Variants in GDAP1L1 observed in about 807,000 individuals in gnomAD.
GDAP1L1 encodes the protein ganglioside-induced differentiation-associated protein 1-like 1.
GDAP1L1 carries 21 observed loss-of-function variants against 37.1 expected under a neutral mutation model. The observed-to-expected ratio is 0.57, with a 90% CI of 0.40 to 0.81. The LOEUF (loss-of-function observed/expected upper bound fraction) is 0.81, where lower values mean the gene tolerates loss of function less well. Among genes scored for constraint, GDAP1L1 ranks in the 40% least tolerant of loss-of-function variants. GDAP1L1 has a pLI of 0.00. For synonymous variants in GDAP1L1, 193 were observed against 209.1 expected (o/e 0.92, Z 0.67); for missense variants, 362 against 491.6 (o/e 0.74, Z 2.49).
At chr20:44,269,156 T>G (rs927012557) in intron 5 of GDAP1L1, among the ~76,000 whole-genome samples, 2 of 152,148 alleles carry the variant, frequency 1.3e-5, no homozygotes, top group African/African-American at 4.8e-5. Flanking sequence ...TAAAAATTAT[T>G]ATTATCACCA....
intron 4 of GDAP1L1, 111 bp from the exon 5 acceptor site, chr20:44,264,334 G>A: frequency 3.1e-6 from 4 of 1,297,674 alleles, no homozygotes; most frequent in East Asian, 3.1e-5. Flanking sequence ...CACTTGGGGG[G>A]CATTTGGAGG....
chr20:44,263,193 T>C, intron 3 of GDAP1L1, 37 bp from the exon 4 acceptor site: 1 of 1,534,044 alleles, frequency 6.5e-7, no homozygotes, highest in Non-Finnish European at 9.0e-7. Flanking sequence ...GCAACCAAGG[T>C]ATCAGAGGGA....
intron 1 of GDAP1L1, among the ~76,000 whole-genome samples, chr20:44,256,402 G>A (rs936054735): frequency 6.6e-6 from 1 of 152,196 alleles, no homozygotes; most frequent in Non-Finnish European, 1.5e-5. Context: ...AGGCACGGTG[G>A]CTAACATCTG....
chr20:44,269,101 A>AATGTTGATTACTTTGCACAGTGC (rs760823595), intron 5 of GDAP1L1, among the ~76,000 whole-genome samples: 1 of 152,144 alleles, frequency 6.6e-6, no homozygotes, highest in Non-Finnish European at 1.5e-5. Context: ...TAAGACAGTA[A>AATGTTGATTACTTTGCACAGTGC]ATGTTGATTA....
At chr20:44,262,456 A>C (rs890869080) in intron 3 of GDAP1L1, among the ~76,000 whole-genome samples, 1 of 151,894 alleles carries the variant, frequency 6.6e-6, no homozygotes, top group Non-Finnish European at 1.5e-5. Flanking sequence ...GGAAGAATGC[A>C]GGGGGAGAAG....
intron 1 of GDAP1L1, among the ~76,000 whole-genome samples, chr20:44,254,489 G>A (rs1311184394): frequency 6.6e-6 from 1 of 152,228 alleles, no homozygotes; most frequent in Non-Finnish European, 1.5e-5. Context: ...AGCCAGCCCT[G>A]TCTCCTGCCT....
chr20:44,268,254 T>C (rs1280971313), intron 5 of GDAP1L1, among the ~76,000 whole-genome samples: 1 of 152,238 alleles, frequency 6.6e-6, no homozygotes, highest in Non-Finnish European at 1.5e-5. Context: ...ACTTCATCTC[T>C]CTGAGCTCAT....
rs950326518 is a variant in GDAP1L1 at position 44,257,468 on chromosome 20, G to C, written c.373+123G>C. The C allele has an allele frequency of 6.4e-4, 655 of 1,020,638 alleles. 2 individuals are homozygous for C. Among genetic ancestry groups the C allele is most frequent in the Non-Finnish European group, 6.8e-4 (484 of 711,794 alleles). 63.2% of individuals were successfully genotyped at this position (1,020,638 alleles called of 1,614,324 possible). ...GAAATTCACTGGAGCCATGGGCAAGGCCCAGTCTCCCCAAAAAGGAGCCAC... is the reference window on the plus strand; with the variant it reads ...GAAATTCACTGGAGCCATGGGCAAGCCCCAGTCTCCCCAAAAAGGAGCCAC... On this transcript the variant is annotated intron_variant, in intron 2 of 5. Transcript: ENST00000342560.
At chr20:44,265,290 C>T (rs1436535293) in intron 5 of GDAP1L1, 3 of 985,320 alleles carry the variant, frequency 3.0e-6, no homozygotes, top group Non-Finnish European at 3.6e-6. Context: ...CCCCTCCCTC[C>T]TGGAGCACCC....
rs536069072 is a variant in GDAP1L1, at chr20:44,265,164, G to C, written c.760+605G>C. ...TGCATTATAGCTCCTTCGTGCTCCA[G>C]CCAGACATCCAAGCTCACCCAGACT... On this transcript the variant is annotated intron_variant, in intron 5 of 5. Coordinates refer to ENST00000342560, the MANE Select transcript of GDAP1L1 (RefSeq NM_024034.6). The C allele has an allele frequency of 1.4e-5, 14 of 985,352 alleles. No homozygotes were observed. In the African/African-American group the frequency reaches 1.9e-4, roughly 14 times the overall value. The allele number at this position is 985,352 out of a possible 1,614,324, so 61.0% of individuals were successfully genotyped here.
chr20:44,259,585 G>A (rs1180345953), intron 3 of GDAP1L1, among the ~76,000 whole-genome samples: 1 of 148,388 alleles, frequency 6.7e-6, no homozygotes, highest in African/African-American at 2.5e-5. Flanking sequence ...AACCTCCTCT[G>A]CCCAGTCTCA....
intron 5 of GDAP1L1, among the ~76,000 whole-genome samples, chr20:44,270,406 G>A (rs1016481024): frequency 9.9e-5 from 15 of 152,026 alleles, no homozygotes; most frequent in African/African-American, 1.7e-4. Context: ...TCCTGACCTC[G>A]TGATCCACCC....
chr20:44,269,732 C>A (rs932020715), intron 5 of GDAP1L1, among the ~76,000 whole-genome samples: 1 of 152,154 alleles, frequency 6.6e-6, no homozygotes, highest in African/African-American at 2.4e-5. Flanking sequence ...GAGATCAAGA[C>A]CATCCTGGCT....
At position 44,275,813 on chromosome 20, in the gene GDAP1L1, AC is replaced by A. The variant is rs2062566833; in HGVS notation, c.761-3143del. Among the ~76,000 whole-genome samples the A allele has an allele frequency of 2.0e-5, 3 of 152,318 alleles. No individual in the cohort carries two copies. The South Asian group carries it at 6.2e-4, about 32-fold the overall frequency. ...ACAACTAGGAGAAAATATTGCACAA[AC>A]AAGTGTTTTCTAAAAATGCAGGCTA... On this transcript the variant is annotated intron_variant, in intron 5 of 5. Coordinates refer to ENST00000342560, the MANE Select transcript of GDAP1L1 (RefSeq NM_024034.6).
chr20:44,249,790 T>C (rs1460843253), intron 1 of GDAP1L1, among the ~76,000 whole-genome samples: 2 of 152,222 alleles, frequency 1.3e-5, no homozygotes, highest in Non-Finnish European at 2.9e-5. Flanking sequence ...TGGTGGATTC[T>C]AGAAGCAGTG....
At chr20:44,254,563 C>A (rs2073504305) in intron 1 of GDAP1L1, among the ~76,000 whole-genome samples, 1 of 152,222 alleles carries the variant, frequency 6.6e-6, no homozygotes, top group South Asian at 2.1e-4. Context: ...TCTGTGAACA[C>A]TGAATCCAGC....
rs2062570427 is a variant in GDAP1L1 at position 44,276,167 on chromosome 20, C to T, written c.761-2790C>T. ...CAAAACCCCATCTCTAGTAAAAATA[C>T]CAAAAAAAAAAAAAAATAATAGCCA... is the stretch of plus-strand genomic sequence containing the variant. On this transcript the variant is annotated intron_variant, in intron 5 of 5. Coordinates refer to ENST00000342560, the MANE Select transcript of GDAP1L1 (RefSeq NM_024034.6). 3.2e-5 allele frequency among the ~76,000 whole-genome samples: 4 copies of T among 125,156 alleles called. No homozygotes were observed. The South Asian group carries it at 1.2e-3, about 37-fold the overall frequency. 82.1% of individuals were successfully genotyped at this position (125,156 alleles called of 152,430 possible). A position where few individuals can be genotyped will look rare whatever the true frequency, so the allele number is the denominator to read the frequency against.
intron 1 of GDAP1L1, among the ~76,000 whole-genome samples, chr20:44,253,900 C>G (rs1035471481): frequency 3.9e-5 from 6 of 152,252 alleles, no homozygotes; most frequent in African/African-American, 7.2e-5. Context: ...CTGATACTTT[C>G]ATGGGAGACC....
Position 44,257,138 on chromosome 20 carries a change from C to T in GDAP1L1, c.181-15C>T. The T allele has an allele frequency of 1.3e-6, 2 of 1,569,284 alleles. No homozygotes were observed. Among genetic ancestry groups the T allele is most frequent in the South Asian group, 1.2e-5 (1 of 86,348 alleles). ...TGTCCGCCCGCCTTCCCCGCTCTGA[C>T]CCTGGCGCCTGCAGGTGCGGCTGGT... On this transcript the variant is annotated splice_polypyrimidine_tract_variant and intron_variant, in intron 1 of 5. Transcript: ENST00000342560.
Sources: allele counts gnomAD v4.1 joint callset (sites outside exome capture counted in the v4.1 genomes callset), GRCh38; gene constraint gnomAD v4.1.1; transcripts MANE v1.5; gene names NCBI Gene and HGNC (gene_info 2026-07-23, HGNC 2026-07-21).